Variants in CDH6 observed in about 807,000 individuals in gnomAD.
The protein encoded by CDH6 is cadherin-6.
In CDH6, 31 loss-of-function variants were observed where a neutral mutation model predicts 78.0. That is an observed-to-expected ratio of 0.40 (90% CI 0.30 to 0.54). The LOEUF (loss-of-function observed/expected upper bound fraction) is 0.54. Ranked by LOEUF, CDH6 falls within the 20% of genes least tolerant of loss-of-function variation. The pLI is 0.56. For missense variants in CDH6, 724 were observed against 975.9 expected (o/e 0.74, Z 3.44); for synonymous variants, 376 against 368.8 (o/e 1.02, Z -0.23).
At chr5:31,279,950 C>G (rs182156652) in intron 2 of CDH6, among the ~76,000 whole-genome samples, 10 of 152,306 alleles carry the variant, frequency 6.6e-5, no homozygotes, top group Non-Finnish European at 8.8e-5. Context: ...CCACTTGCCT[C>G]TTAAAGGAAA....
Position 31,267,637 on chromosome 5 carries a change from G to T in CDH6, c.164G>T (p.Trp55Leu). ...KNELNRSKRS[W>L]MWNQFFLLEE... is the part of the protein sequence containing the mutation. ...GAGCTGAACCGTTCAAAAAGGAGCT[G>T]GATGTGGAATCAGTTCTTTCTCCTG... The change falls in exon 2 of 12, where the codon TGG becomes TTG. Residue 55 changes from tryptophan (W) to leucine (L), a missense_variant. By Grantham distance (61) the Trp-to-Leu change is moderately conservative (BLOSUM62 -2). Around this residue, in one of 3 missense-constraint regions of CDH6, gnomAD observed 446 missense variants for 684.5 expected, o/e 0.65. Transcript: ENST00000265071. The T allele has an allele frequency of 6.2e-7, 1 of 1,614,142 alleles. No individual in the cohort carries two copies. Among genetic ancestry groups the T allele is most frequent in the Non-Finnish European group, 8.5e-7 (1 of 1,180,010 alleles).
intron 1 of CDH6, among the ~76,000 whole-genome samples, chr5:31,265,625 G>C (rs1463587299): frequency 6.6e-6 from 1 of 151,876 alleles, no homozygotes. Flanking sequence ...CTGATGTAGA[G>C]AAAAAAATAC....
rs1024864462 is a variant in CDH6, at chr5:31,204,012, A to T, written c.-129+10126A>T. ...AATGTACCCAAGAGGAGGTGGTCCCAAACCTCCAGATACAAAAAGTGCCTG... is the reference window on the plus strand; with the variant it reads ...AATGTACCCAAGAGGAGGTGGTCCCTAACCTCCAGATACAAAAAGTGCCTG... On this transcript the variant is annotated intron_variant, in intron 1 of 11. Transcript: ENST00000265071. Among the ~76,000 whole-genome samples the T allele has an allele frequency of 5.3e-5, 8 of 152,356 alleles. No individual in the cohort carries two copies. The East Asian group carries it at 1.5e-3, about 29-fold the overall frequency.
chr5:31,231,631 G>C (rs1375305240), intron 1 of CDH6, among the ~76,000 whole-genome samples: 1 of 152,224 alleles, frequency 6.6e-6, no homozygotes, highest in South Asian at 2.1e-4. Context: ...AGGAGGCTGA[G>C]TGTGCTAGCT....
In CDH6 at chr5:31,196,962, GC is replaced by G. The variant is rs560653839; in HGVS notation, c.-129+3082del. The stretch of plus-strand genomic sequence containing the variant: ...TACATGAAGAGCGCCGCCGCCCCCC[GC>G]CCCCCAACCAACAACAAGAAAAGAA... On this transcript the variant is annotated intron_variant, in intron 1 of 11. Coordinates refer to ENST00000265071, the MANE Select transcript of CDH6 (RefSeq NM_004932.4). 2.0e-3 allele frequency among the ~76,000 whole-genome samples: 275 copies of G among 136,452 alleles called. 1 individual carries two copies. Among genetic ancestry groups the G allele is most frequent in the Admixed American group, 4.1e-3 (54 of 13,102 alleles). 89.5% of individuals were successfully genotyped at this position (136,452 alleles called of 152,430 possible).
intron 1 of CDH6, among the ~76,000 whole-genome samples, chr5:31,217,027 T>A (rs1190351742): frequency 6.6e-6 from 1 of 152,122 alleles, no homozygotes; most frequent in Non-Finnish European, 1.5e-5. Flanking sequence ...CCTTTTATTA[T>A]GCATGTTGAT....
At chr5:31,302,793 AG>A (rs754662538) in intron 6 of CDH6, among the ~76,000 whole-genome samples, 14,769 of 62,844 alleles carry the variant, frequency 0.24, 1,245 homozygotes, top group East Asian at 0.3. Context: ...AGAGAGAGAG[AG>A]AGAGAGAAAG....
rs1424287242 is a variant in CDH6 at position 31,302,191 on chromosome 5, G to A, written c.892G>A (p.Gly298Arg). 3.1e-6 allele frequency: 5 copies of A among 1,613,940 alleles called. No homozygotes were observed. Among genetic ancestry groups the A allele is most frequent in the Non-Finnish European group, 4.2e-6 (5 of 1,179,928 alleles). Residue 298 changes from glycine (G) to arginine (R), a missense_variant, in exon 6 of 12, where the codon GGA becomes AGA. By Grantham distance (125) the Gly-to-Arg change is moderately radical. Coordinates refer to ENST00000265071, the MANE Select transcript of CDH6 (RefSeq NM_004932.4). ...GRIKASDADV[G>R]ENAEIEYSIT... ...AATCAAAGCCAGCGACGCTGATGTG[G>A]GAGAAAATGCTGAAATTGAGTACAG... is the stretch of plus-strand genomic sequence containing the variant.
chr5:31,229,719 T>C (rs1741264642), intron 1 of CDH6, among the ~76,000 whole-genome samples: 1 of 152,248 alleles, frequency 6.6e-6, no homozygotes, highest in African/African-American at 2.4e-5. Flanking sequence ...TGGACCATCA[T>C]AGTAGCTGAA....
In CDH6 at chr5:31,324,778, A is replaced by G. The variant is rs996743893; in HGVS notation, c.*1470A>G. 4.8e-6 allele frequency: 1 copy of G among 207,102 alleles called. No individual in the cohort carries two copies. Among genetic ancestry groups the G allele is most frequent in the South Asian group, 1.9e-4 (1 of 5,276 alleles). 12.8% of individuals were successfully genotyped at this position (207,102 alleles called of 1,614,324 possible). A position where few individuals can be genotyped will look rare whatever the true frequency, so the allele number is the denominator to read the frequency against. On this transcript the variant is annotated 3_prime_UTR_variant, in exon 12 of 12. Transcript: ENST00000265071. ...CAGAGGACCCAACTGAACTGAACTAATCCTTCTGGCAGATTCAAATCGTTT... is the reference window on the plus strand; with the variant it reads ...CAGAGGACCCAACTGAACTGAACTAGTCCTTCTGGCAGATTCAAATCGTTT...
intron 1 of CDH6, among the ~76,000 whole-genome samples, chr5:31,206,219 A>C (rs1740517976): frequency 6.6e-6 from 1 of 152,202 alleles, no homozygotes; most frequent in Non-Finnish European, 1.5e-5. Context: ...AATAGACAGG[A>C]TAGATAGATT....
chr5:31,306,270 A>T (rs1737987290), intron 7 of CDH6, among the ~76,000 whole-genome samples: 1 of 152,216 alleles, frequency 6.6e-6, no homozygotes, highest in Non-Finnish European at 1.5e-5. Context: ...ATCCTAGGGA[A>T]ATTAATACAA....
intron 2 of CDH6, among the ~76,000 whole-genome samples, chr5:31,271,155 T>C (rs868324548): frequency 9.2e-5 from 14 of 152,236 alleles, no homozygotes; most frequent in Middle Eastern, 3.4e-3. Flanking sequence ...GAAAGAAATA[T>C]TTACCTTATA....
chr5:31,287,706 C>T (rs1743046991), intron 2 of CDH6, among the ~76,000 whole-genome samples: 1 of 152,194 alleles, frequency 6.6e-6, no homozygotes, highest in Non-Finnish European at 1.5e-5. Context: ...CTTGAGCACT[C>T]ATCAGAACTA....
At chr5:31,228,119 CAT>C (rs1424376168) in intron 1 of CDH6, among the ~76,000 whole-genome samples, 1 of 152,132 alleles carries the variant, frequency 6.6e-6, no homozygotes, top group African/African-American at 2.4e-5. Flanking sequence ...AACAGTGTAG[CAT>C]GTTTAAATCT....
intron 1 of CDH6, among the ~76,000 whole-genome samples, chr5:31,252,799 C>A (rs1336357268): frequency 1.3e-5 from 2 of 151,818 alleles, no homozygotes; most frequent in Non-Finnish European, 2.9e-5. Flanking sequence ...TTATGATACT[C>A]TGACAATGTT....
chr5:31,213,631 A>G (rs1740780961), intron 1 of CDH6, among the ~76,000 whole-genome samples: 3 of 152,162 alleles, frequency 2.0e-5, no homozygotes, highest in Non-Finnish European at 4.4e-5. Context: ...TTTCGGAAGT[A>G]GTTTCCTCTT....
intron 1 of CDH6, among the ~76,000 whole-genome samples, chr5:31,237,280 G>A (rs929942478): frequency 7.9e-5 from 12 of 152,258 alleles, no homozygotes; most frequent in East Asian, 7.7e-4. Context: ...GGCATTGCAC[G>A]AGGTAAGCAA....
At chr5:31,286,619 G>C (rs546918972) in intron 2 of CDH6, among the ~76,000 whole-genome samples, 3 of 152,300 alleles carry the variant, frequency 2.0e-5, no homozygotes, top group African/African-American at 7.2e-5. Context: ...GGGCTTTGGA[G>C]GCCATGCGAA....
Sources: allele counts gnomAD v4.1 joint callset (sites outside exome capture counted in the v4.1 genomes callset), GRCh38; gene constraint gnomAD v4.1.1; regional missense constraint gnomAD v4.1.1; transcripts MANE v1.5; gene names NCBI Gene and HGNC (gene_info 2026-07-23, HGNC 2026-07-21).